CPAMD8: variants seen among roughly 807,000 people sequenced by gnomAD.
The protein encoded by CPAMD8 is C3 and PZP-like alpha-2-macroglobulin domain-containing protein 8.
In CPAMD8, 146 loss-of-function variants were observed where a neutral mutation model predicts 224.7. That is an observed-to-expected ratio of 0.65 (90% confidence interval 0.57 to 0.75). The LOEUF is 0.75. Among genes scored for constraint, CPAMD8 ranks in the 30% least tolerant of loss-of-function variants. CPAMD8 has a pLI of 0.00. For missense variants in CPAMD8, 2,301 were observed against 2,537.5 expected (o/e 0.91, Z 2.00); for synonymous variants, 966 against 1,044.6 (o/e 0.92, Z 1.45).
In CPAMD8 at chr19:16,947,127, T is replaced by C. The variant is rs145142500; in HGVS notation, c.2609A>G (p.Glu870Gly). 348 of 1,613,644 alleles carry C rather than the reference T, an allele frequency of 2.2e-4. 1 individual carries two copies. The African/African-American group carries it at 3.4e-3, about 16-fold the overall frequency. Residue 870 changes from glutamate (E) to glycine (G), a missense_variant, in exon 21 of 42, where the codon GAG (glutamate) becomes GGG (glycine). Glu to Gly is a moderately conservative substitution (Grantham distance 98). This residue lies in a region of CPAMD8 where 1,709 missense variants were observed against 1,753.2 expected (regional missense o/e 0.97). Coordinates refer to ENST00000443236, the MANE Select transcript of CPAMD8 (RefSeq NM_015692.5). ...GAAGGACAGAACGACCCAGATGGGCTCAGCCTCCCCGGGGGCCACACACAT... is the reference window on the plus strand; with the variant it reads ...GAAGGACAGAACGACCCAGATGGGCCCAGCCTCCCCGGGGGCCACACACAT... ...KKMCVAPGEAEPIWVVLSFSD... is the reference protein window; with the variant it reads ...KKMCVAPGEAGPIWVVLSFSD...
intron 5 of CPAMD8, 195 bp from the exon 6 acceptor site, chr19:17,009,515 C>T: frequency 1.1e-6 from 1 of 897,810 alleles, no homozygotes; most frequent in South Asian, 1.9e-5. Context: ...TGGCTCATGC[C>T]TGTAATCCCA....
chr19:16,985,846 G>A (rs2055702739), intron 13 of CPAMD8, among the ~76,000 whole-genome samples: 1 of 151,766 alleles, frequency 6.6e-6, no homozygotes, highest in African/African-American at 2.4e-5. Context: ...AGAGATGGAG[G>A]GTGGATGGAG....
At chr19:16,924,226 T>G (rs1294262208) in intron 26 of CPAMD8, among the ~76,000 whole-genome samples, 2 of 149,426 alleles carry the variant, frequency 1.3e-5, no homozygotes, top group Non-Finnish European at 3.0e-5. Context: ...CATTTTGTTG[T>G]GGCAGTTTTA....
At chr19:16,904,176 A>AGGCGCCCC in intron 32 of CPAMD8, 50 bp downstream of exon 32, 1 of 937,340 alleles carries the variant, frequency 1.1e-6, no homozygotes, top group Non-Finnish European at 1.7e-6. Context: ...GACTGCAGGG[A>AGGCGCCCC]CCCCACCCAC....
intron 27 of CPAMD8, among the ~76,000 whole-genome samples, chr19:16,919,593 T>G (rs917025549): frequency 2.0e-5 from 3 of 152,206 alleles, no homozygotes; most frequent in Admixed American, 1.3e-4. Context: ...TAAATAGAGA[T>G]AATACGTTTG....
chr19:16,974,409 C>T (rs772675102), intron 17 of CPAMD8, among the ~76,000 whole-genome samples: 2 of 151,766 alleles, frequency 1.3e-5, no homozygotes, highest in Admixed American at 1.3e-4. Flanking sequence ...CCTGGGATCA[C>T]AGCCACCTCC....
intron 25 of CPAMD8, among the ~76,000 whole-genome samples, chr19:16,927,748 G>A (rs2144949705): frequency 6.6e-6 from 1 of 152,296 alleles, no homozygotes; most frequent in African/African-American, 2.4e-5. Flanking sequence ...TTTAGACTTG[G>A]GGGGCTCTAG....
At chr19:16,967,937 A>ATGTGCATATATACACACACATGTGTG (rs2054915173) in intron 18 of CPAMD8, among the ~76,000 whole-genome samples, 1 of 149,092 alleles carries the variant, frequency 6.7e-6, no homozygotes, top group Non-Finnish European at 1.5e-5. Context: ...GTGTGTATAT[A>ATGTGCATATATACACACACATGTGTG]TATACATGTT....
intron 29 of CPAMD8, among the ~76,000 whole-genome samples, chr19:16,908,319 C>G (rs1472787677): frequency 6.6e-6 from 1 of 151,672 alleles, no homozygotes; most frequent in Non-Finnish European, 1.5e-5. Context: ...GCCGAGATTG[C>G]ACCACCGCAC....
At chr19:16,982,641 C>A (rs2055554244) in intron 13 of CPAMD8, among the ~76,000 whole-genome samples, 1 of 151,856 alleles carries the variant, frequency 6.6e-6, no homozygotes, top group Non-Finnish European at 1.5e-5. Flanking sequence ...TCAAGACCAG[C>A]CTGAACAACA....
At chr19:17,018,711 TAA>T (rs1477990337) in intron 3 of CPAMD8, among the ~76,000 whole-genome samples, 1 of 119,082 alleles carries the variant, frequency 8.4e-6, no homozygotes, top group African/African-American at 4.4e-5. Context: ...CCATCTCTAC[TAA>T]AAATACACAC....
intron 13 of CPAMD8, among the ~76,000 whole-genome samples, chr19:16,989,326 G>A (rs542486262): frequency 5.3e-5 from 8 of 152,114 alleles, no homozygotes; most frequent in Admixed American, 2.0e-4. Context: ...TGGCTTTGTC[G>A]CCCAGGCTGG....
In CPAMD8 at chr19:16,893,350, G is replaced by C; in HGVS notation, c.5427-11C>G. 1 of 1,502,772 alleles carries C rather than the reference G, an allele frequency of 6.7e-7. No homozygotes were observed. The highest frequency in any genetic ancestry group is 2.5e-5 in the East Asian group (1 of 40,316). The allele number at this position is 1,502,772 out of a possible 1,614,324, so 93.1% of individuals were successfully genotyped here. The stretch of plus-strand genomic sequence containing the variant: ...GGCCCGGCTGTGACCCTGGAGATGA[G>C]GTTTTATCTTACAACATCCTCTACA... On this transcript the variant is annotated splice_polypyrimidine_tract_variant and intron_variant, in intron 41 of 41. Coordinates refer to ENST00000443236, the MANE Select transcript of CPAMD8 (RefSeq NM_015692.5).
At chr19:16,895,882 T>G in intron 41 of CPAMD8, 1 of 548,604 alleles carries the variant, frequency 1.8e-6, no homozygotes, top group Non-Finnish European at 3.5e-6. Flanking sequence ...CCTTGACCCG[T>G]ATGCGCGCGC....
Position 16,925,299 on chromosome 19 carries a change from G to A in CPAMD8, c.3444C>T (p.Asn1148=). The A allele has an allele frequency of 4.3e-6, 7 of 1,614,230 alleles. No homozygotes were observed. Among genetic ancestry groups the A allele is most frequent in the Non-Finnish European group, 5.1e-6 (6 of 1,180,024 alleles). The change falls in exon 26 of 42, where the codon AAC becomes AAT. Residue 1148 remains asparagine (N), a synonymous_variant. Transcript: ENST00000443236. ...LRLPFGCGEQ[N]MIHFAPNVFV... ...AGACGTTGGGTGCAAAGTGGATCAT[G>A]TTCTGCTCTCCACAGCCAAACGGCA... is the stretch of plus-strand genomic sequence containing the variant.
At chr19:16,947,329 T>A (rs1264673437) in intron 20 of CPAMD8, 102 bp from the exon 21 acceptor site, 1 of 1,377,324 alleles carries the variant, frequency 7.3e-7, no homozygotes, top group African/African-American at 1.5e-5. Context: ...ACACCAGACT[T>A]GTCAGCCTCC....
chr19:16,945,765 G>T, intron 21 of CPAMD8, 86 bp from the exon 22 acceptor site: 1 of 1,230,106 alleles, frequency 8.1e-7, no homozygotes, highest in Non-Finnish European at 1.2e-6. Context: ...CCAGATGTGT[G>T]TGCATGCATG....
chr19:16,973,600 TGGCCTCCCAAAGTGCTG>T lies in CPAMD8; in HGVS notation c.2070+1480_2070+1496del, dbSNP rs1224650382. ...CTGACTTCAGGTGATCCACGTGTCT[TGGCCTCCCAAAGTGCTG>T]GGATTACAGGCGTGAGACACCACAC... On this transcript the variant is annotated intron_variant, in intron 17 of 41. Transcript: ENST00000443236. Among the ~76,000 whole-genome samples the T allele has an allele frequency of 1.4e-4, 21 of 152,108 alleles. 1 individual carries two copies. Among genetic ancestry groups the T allele is most frequent in the African/African-American group, 3.9e-4 (16 of 41,492 alleles).
At chr19:16,925,459 T>A in intron 25 of CPAMD8, 87 bp from the exon 26 acceptor site, 2 of 1,096,756 alleles carry the variant, frequency 1.8e-6, no homozygotes, top group Non-Finnish European at 2.8e-6. Flanking sequence ...TGGGAGACAG[T>A]GAGTGTCATG....
Sources: gnomAD v4.1 joint callset for allele counts (sites outside exome capture counted in the v4.1 genomes callset) on GRCh38, gnomAD v4.1.1 for gene constraint, gnomAD v4.1.1 regional missense constraint, MANE v1.5 for transcripts, NCBI Gene and HGNC (gene_info 2026-07-23, HGNC 2026-07-21) for gene names.